The following NLRP5 variants were observed in gnomAD, a reference collection of about 807,000 sequenced individuals.
NLRP5 encodes NLR family pyrin domain containing 5.
In NLRP5, 93 loss-of-function variants were observed where a neutral mutation model predicts 113.1. The ratio of observed to expected loss-of-function variants is 0.82; its 90% CI spans 0.70 to 0.98. The LOEUF is 0.98. Ranked by LOEUF, NLRP5 falls within the 50% of genes least tolerant of loss-of-function variation. The pLI is 0.00. For missense variants in NLRP5, 1,808 were observed against 1,514.3 expected (o/e 1.19, Z -3.22); for synonymous variants, 751 against 600.7 (o/e 1.25, Z -3.66).
At chr19:56,017,960 T>C (rs1982470978) in intron 4 of NLRP5, among the ~76,000 whole-genome samples, 1 of 152,224 alleles carries the variant, frequency 6.6e-6, no homozygotes, top group African/African-American at 2.4e-5. Context: ...TTTTTTAATA[T>C]TTATTTTCTC....
At chr19:56,042,948 A>G (rs1234602398) in intron 11 of NLRP5, among the ~76,000 whole-genome samples, 1 of 150,308 alleles carries the variant, frequency 6.7e-6, no homozygotes, top group African/African-American at 2.4e-5. Flanking sequence ...TTATGGCTGC[A>G]TAGTATTCCA....
At chr19:56,046,513 G>A (rs1048660678) in intron 11 of NLRP5, among the ~76,000 whole-genome samples, 1 of 151,512 alleles carries the variant, frequency 6.6e-6, no homozygotes, top group Admixed American at 6.6e-5. Context: ...TCTATCTTGT[G>A]GAATAGTGTC....
the NLRP5 span, among the ~76,000 whole-genome samples, chr19:55,992,649 C>T: frequency 1.3e-5 from 2 of 152,228 alleles, no homozygotes; most frequent in African/African-American, 2.4e-5. Context: ...CACAGCTTTT[C>T]TCCTTTGTTG....
chr19:56,025,386 T>TTCTCTCTCTC (rs3055366), intron 6 of NLRP5, among the ~76,000 whole-genome samples: 107 of 146,568 alleles, frequency 7.3e-4, no homozygotes, highest in African/African-American at 2.2e-3. Flanking sequence ...ACGTGCTCCG[T>TTCTCTCTCTC]TCTCTCTCTC....
At chr19:55,997,828 A>T (rs1031049539), upstream of NLRP5, among the ~76,000 whole-genome samples, 4 of 151,580 alleles carry the variant, frequency 2.6e-5, no homozygotes, top group Non-Finnish European at 5.9e-5. Context: ...GCACCACTGC[A>T]GTCCAGCCTG....
chr19:55,990,511 C>G, the NLRP5 span, among the ~76,000 whole-genome samples: 7 of 151,318 alleles, frequency 4.6e-5, no homozygotes, highest in Non-Finnish European at 7.4e-5. Context: ...ACTAACATGG[C>G]GAAATACCCT....
intron 11 of NLRP5, among the ~76,000 whole-genome samples, chr19:56,048,868 T>C (rs1172534512): frequency 1.3e-5 from 2 of 151,474 alleles, no homozygotes; most frequent in African/African-American, 4.8e-5. Context: ...TAGGTTTGCA[T>C]TTAACATAAT....
At chr19:56,021,733 G>A (rs1982624753) in intron 6 of NLRP5, among the ~76,000 whole-genome samples, 1 of 152,158 alleles carries the variant, frequency 6.6e-6, no homozygotes, top group Non-Finnish European at 1.5e-5. Flanking sequence ...TGGGAATTTG[G>A]CTTTTTTCTC....
chr19:56,005,107 A>AAAAAAAAAAAAAAATATATAT (rs1173746273), intron 2 of NLRP5, among the ~76,000 whole-genome samples: 1 of 95,340 alleles, frequency 1.0e-5, no homozygotes, highest in African/African-American at 3.9e-5. Flanking sequence ...AAAAAAAAAA[A>AAAAAAAAAAAAAAATATATAT]ATATATATAT....
At chr19:56,001,674 T>A (rs1330610870) in intron 1 of NLRP5, among the ~76,000 whole-genome samples, 1 of 152,084 alleles carries the variant, frequency 6.6e-6, no homozygotes, top group Non-Finnish European at 1.5e-5. Context: ...CAGGCTGATT[T>A]TTACTTTGGT....
chr19:56,048,913 T>C (rs1276711042), intron 11 of NLRP5, among the ~76,000 whole-genome samples: 7 of 150,604 alleles, frequency 4.6e-5, no homozygotes, highest in African/African-American at 7.3e-5. Flanking sequence ...AAATATTCTT[T>C]TTTCTGTCTT....
intron 6 of NLRP5, among the ~76,000 whole-genome samples, chr19:56,024,497 A>G (rs1322556954): frequency 8.2e-6 from 1 of 121,690 alleles, no homozygotes; most frequent in Non-Finnish European, 1.7e-5. Flanking sequence ...GCGTATATAC[A>G]TATGTATATG....
intron 6 of NLRP5, among the ~76,000 whole-genome samples, chr19:56,022,528 C>T (rs1195146615): frequency 1.3e-5 from 2 of 152,150 alleles, no homozygotes; most frequent in Non-Finnish European, 2.9e-5. Flanking sequence ...TACGCCCAGC[C>T]AATCCCTACT....
intron 6 of NLRP5, among the ~76,000 whole-genome samples, chr19:56,023,455 G>T (rs191903235): frequency 6.6e-6 from 1 of 152,150 alleles, no homozygotes; most frequent in Admixed American, 6.5e-5. Context: ...ACTAACCATC[G>T]ATCAAAAATA....
intron 11 of NLRP5, among the ~76,000 whole-genome samples, chr19:56,045,409 T>C (rs936338618): frequency 9.9e-5 from 15 of 151,656 alleles, no homozygotes; most frequent in African/African-American, 3.4e-4. Flanking sequence ...TTGGAGCTAG[T>C]TTTTTTTTCT....
rs1350908585 is a variant in NLRP5 at position 56,033,617 on chromosome 19, C to A, written c.2523C>A (p.Ser841=). The A allele has an allele frequency of 1.9e-6, 3 of 1,613,590 alleles. No individual in the cohort carries two copies. In the African/African-American group the frequency reaches 4.0e-5, roughly 22 times the overall value. Residue 841 remains serine (S), a synonymous_variant, in exon 9 of 15, where the codon TCC becomes TCA. Transcript: ENST00000390649. ...TCATGGCCAACCGTAACCTAAGATC[C>A]CTCAACTTGGGAGGCACCCACCTGA... is the stretch of plus-strand genomic sequence containing the variant.
At chr19:56,036,388 G>A (rs558722148) in intron 9 of NLRP5, among the ~76,000 whole-genome samples, 8 of 151,922 alleles carry the variant, frequency 5.3e-5, no homozygotes, top group East Asian at 3.9e-4. Context: ...ATTCAATAAC[G>A]ACAGATGCTT....
chr19:56,061,562 G>C lies in NLRP5; in HGVS notation c.*34G>C. 1 of 1,612,164 alleles carries C rather than the reference G, an allele frequency of 6.2e-7. No individual in the cohort carries two copies. The highest frequency in any genetic ancestry group is 8.5e-7 in the Non-Finnish European group (1 of 1,178,744). On this transcript the variant is annotated 3_prime_UTR_variant, in exon 15 of 15. Coordinates refer to ENST00000390649, the MANE Select transcript of NLRP5 (RefSeq NM_153447.4). ...AAACCTGCCCCACTCACACCCATCTGATGGAGGAACTTTAAACGCTGTTTT... is the reference window on the plus strand; with the variant it reads ...AAACCTGCCCCACTCACACCCATCTCATGGAGGAACTTTAAACGCTGTTTT...
At chr19:56,061,361 C>T (rs1043904218) in intron 14 of NLRP5, 35 bp from the exon 15 acceptor site, 1 of 1,602,202 alleles carries the variant, frequency 6.2e-7, no homozygotes, top group African/African-American at 1.3e-5. Context: ...TCGAAAGCAA[C>T]ATCTCAGTAA....
Sources: gnomAD v4.1 joint callset for allele counts (sites outside exome capture counted in the v4.1 genomes callset) on GRCh38, gnomAD v4.1.1 for gene constraint, MANE v1.5 for transcripts, NCBI Gene and HGNC (gene_info 2026-07-23, HGNC 2026-07-21) for gene names.